The following OLFM3 variants were observed in gnomAD, a reference collection of about 807,000 sequenced individuals.
The protein encoded by OLFM3 is noelin-3.
OLFM3 carries 20 observed loss-of-function variants against 48.6 expected under a neutral mutation model. That is an observed-to-expected ratio of 0.41 (90% CI 0.29 to 0.60). The LOEUF (loss-of-function observed/expected upper bound fraction) is 0.60. Among genes scored for constraint, OLFM3 ranks in the 20% least tolerant of loss-of-function variants. The probability of loss-of-function intolerance (pLI) is 0.28; values close to 1 mark genes in which losing one functional copy is unlikely to be tolerated. For missense variants in OLFM3, 437 were observed against 544.3 expected (o/e 0.80, Z 1.96); for synonymous variants, 222 against 198.1 (o/e 1.12, Z -1.01).
At chr1:101,910,003 T>C in intron 1 of OLFM3, 1 of 985,424 alleles carries the variant, frequency 1.0e-6, no homozygotes, top group Non-Finnish European at 1.2e-6. Flanking sequence ...CATCTTGCTT[T>C]ATAATATTAA....
intron 1 of OLFM3, among the ~76,000 whole-genome samples, chr1:101,857,792 C>T (rs1286854905): frequency 6.6e-6 from 1 of 151,886 alleles, no homozygotes; most frequent in African/African-American, 2.4e-5. Flanking sequence ...GTATGGTTTC[C>T]AAGAATTCCC....
intron 1 of OLFM3, among the ~76,000 whole-genome samples, chr1:101,843,672 T>A (rs1281917632): frequency 2.6e-5 from 4 of 152,202 alleles, no homozygotes; most frequent in Non-Finnish European, 5.9e-5. Context: ...TAAAACCCCT[T>A]TCAGCTTTTG....
intron 1 of OLFM3, among the ~76,000 whole-genome samples, chr1:101,943,086 G>A (rs1253743983): frequency 6.6e-6 from 1 of 152,156 alleles, no homozygotes; most frequent in South Asian, 2.1e-4. Flanking sequence ...CTTGGCTAGG[G>A]TATAGCCTCT....
chr1:101,858,775 C>T (rs2100959271), intron 1 of OLFM3, among the ~76,000 whole-genome samples: 1 of 152,206 alleles, frequency 6.6e-6, no homozygotes, highest in East Asian at 1.9e-4. Flanking sequence ...TGTAAGTTCT[C>T]TGAGGCCTCC....
At chr1:101,983,451 T>C (rs1661154894) in intron 1 of OLFM3, among the ~76,000 whole-genome samples, 4 of 152,200 alleles carry the variant, frequency 2.6e-5, no homozygotes, top group Non-Finnish European at 5.9e-5. Context: ...GTACTATAAT[T>C]ATTAATAAAT....
chr1:101,976,095 GTCTCCAAAAC>G (rs1334663675), intron 1 of OLFM3, among the ~76,000 whole-genome samples: 1 of 152,116 alleles, frequency 6.6e-6, no homozygotes, highest in Non-Finnish European at 1.5e-5. Context: ...AGACATGAAA[GTCTCCAAAAC>G]ACTCCAAAAC....
chr1:101,837,323 A>G (rs1460837824), intron 1 of OLFM3, among the ~76,000 whole-genome samples: 4 of 152,182 alleles, frequency 2.6e-5, no homozygotes, highest in African/African-American at 9.7e-5. Flanking sequence ...TTTTAATGCA[A>G]CTTTAGAAGC....
chr1:101,907,932 A>G (rs988841705), intron 1 of OLFM3, among the ~76,000 whole-genome samples: 1 of 152,224 alleles, frequency 6.6e-6, no homozygotes, highest in African/African-American at 2.4e-5. Flanking sequence ...CTACTCACGT[A>G]TTATTATCTA....
intron 1 of OLFM3, among the ~76,000 whole-genome samples, chr1:101,929,886 T>C (rs935472557): frequency 3.3e-5 from 5 of 152,066 alleles, no homozygotes; most frequent in African/African-American, 4.8e-5. Flanking sequence ...AAAAGACTTG[T>C]AGCATATAAT....
intron 2 of OLFM3, among the ~76,000 whole-genome samples, chr1:101,831,085 T>A (rs1655128094): frequency 6.6e-6 from 1 of 152,208 alleles, no homozygotes; most frequent in Non-Finnish European, 1.5e-5. Context: ...ATGGGCTTAA[T>A]ACATTAGAAA....
intron 1 of OLFM3, among the ~76,000 whole-genome samples, chr1:101,983,083 G>A (rs7533456): frequency 0.039 from 5,877 of 152,134 alleles, 168 homozygotes; most frequent in Middle Eastern, 0.092. Context: ...TGAAATATTT[G>A]GATAATTATA....
At chr1:101,851,325 GTTAT>G (rs1297120297) in intron 1 of OLFM3, among the ~76,000 whole-genome samples, 3 of 152,134 alleles carry the variant, frequency 2.0e-5, no homozygotes, top group Non-Finnish European at 4.4e-5. Flanking sequence ...ATGTGAAATG[GTTAT>G]TTGAGAGACT....
At chr1:101,954,045 A>AT (rs1249617830) in intron 1 of OLFM3, among the ~76,000 whole-genome samples, 1 of 152,126 alleles carries the variant, frequency 6.6e-6, no homozygotes, top group Non-Finnish European at 1.5e-5. Context: ...CTAATACTTT[A>AT]TTTTAAATGG....
chr1:101,831,379 T>C (rs1221078711), intron 2 of OLFM3, among the ~76,000 whole-genome samples: 1 of 152,138 alleles, frequency 6.6e-6, no homozygotes, highest in East Asian at 1.9e-4. Context: ...TTGGACAGCA[T>C]AGTGTTTGAG....
chr1:101,866,091 T>A (rs530752473), intron 1 of OLFM3, among the ~76,000 whole-genome samples: 34 of 152,326 alleles, frequency 2.2e-4, no homozygotes, highest in African/African-American at 7.5e-4. Context: ...TTCATTTGTA[T>A]ATTTAAAATA....
At chr1:101,955,677 TG>T (rs1174486394) in intron 1 of OLFM3, among the ~76,000 whole-genome samples, 1 of 151,990 alleles carries the variant, frequency 6.6e-6, no homozygotes, top group Non-Finnish European at 1.5e-5. Context: ...CAACACATTT[TG>T]GTTCCTTATT....
At chr1:101,933,207 A>C (rs1445159302) in intron 1 of OLFM3, among the ~76,000 whole-genome samples, 5 of 143,366 alleles carry the variant, frequency 3.5e-5, no homozygotes, top group Non-Finnish European at 4.5e-5. Context: ...ATCTCAAAAA[A>C]AAAAAAAAAA....
At chr1:101,952,314 C>T (rs1475558924) in intron 1 of OLFM3, among the ~76,000 whole-genome samples, 1 of 151,972 alleles carries the variant, frequency 6.6e-6, no homozygotes, top group Non-Finnish European at 1.5e-5. Flanking sequence ...TTTTAGTTTC[C>T]TAGTACTGAA....
intron 1 of OLFM3, among the ~76,000 whole-genome samples, chr1:101,859,036 G>A (rs1215563805): frequency 6.6e-6 from 1 of 152,030 alleles, no homozygotes; most frequent in Non-Finnish European, 1.5e-5. Context: ...GACAGCATGT[G>A]AAAACTCATT....
Sources: allele counts gnomAD v4.1 joint callset (sites outside exome capture counted in the v4.1 genomes callset), GRCh38; gene constraint gnomAD v4.1.1; transcripts MANE v1.5; gene names NCBI Gene and HGNC (gene_info 2026-07-23, HGNC 2026-07-21).